ADGRA3: variants seen among roughly 807,000 people sequenced by gnomAD.
The protein encoded by ADGRA3 is G-protein coupled receptor 125.
In ADGRA3, 56 loss-of-function variants were observed where a neutral mutation model predicts 119.8. The ratio of observed to expected loss-of-function variants is 0.47; its 90% CI spans 0.38 to 0.58. ADGRA3 has a LOEUF of 0.58. ADGRA3 is among the 20% of genes least tolerant of loss of function. ADGRA3 has a pLI of 0.00. For missense variants in ADGRA3, 1,516 were observed against 1,649.0 expected (o/e 0.92, Z 1.40); for synonymous variants, 607 against 623.8 (o/e 0.97, Z 0.40).
chr4:22,445,368 CA>C (rs1716792409), intron 5 of ADGRA3, among the ~76,000 whole-genome samples: 1 of 152,110 alleles, frequency 6.6e-6, no homozygotes, highest in Admixed American at 6.6e-5. Context: ...ATTTTGTAGG[CA>C]AACAAAGACT....
chr4:22,410,787 C>T (rs1715158378), intron 14 of ADGRA3, among the ~76,000 whole-genome samples: 1 of 152,054 alleles, frequency 6.6e-6, no homozygotes, highest in South Asian at 2.1e-4. Flanking sequence ...CATGCAGTAA[C>T]TTTAATTTTG....
chr4:22,434,519 T>C (rs1716316505), intron 10 of ADGRA3, among the ~76,000 whole-genome samples: 1 of 152,134 alleles, frequency 6.6e-6, no homozygotes, highest in Admixed American at 6.5e-5. Context: ...AACCTAAGCG[T>C]GGGCTTCAGT....
intron 1 of ADGRA3, among the ~76,000 whole-genome samples, chr4:22,488,552 G>A (rs1310193931): frequency 1.3e-5 from 2 of 152,126 alleles, no homozygotes; most frequent in Non-Finnish European, 2.9e-5. Flanking sequence ...TTAACCCAAC[G>A]CAAGCGTGAA....
chr4:22,513,861 A>C lies in ADGRA3; in HGVS notation c.257+1667T>G, dbSNP rs530361119. Among the ~76,000 whole-genome samples the C allele has an allele frequency of 2.6e-3, 385 of 147,996 alleles. 8 individuals are homozygous for C. Among genetic ancestry groups the C allele is most frequent in the Non-Finnish European group, 4.3e-3 (289 of 67,038 alleles). On this transcript the variant is annotated intron_variant, in intron 1 of 18. Transcript: ENST00000334304. ...GCTTTCAGGCAAAAAAAAAAAAAAA[A>C]AAAAAAAAAAAAACTGGATTGAAAT... is the stretch of plus-strand genomic sequence containing the variant.
At chr4:22,500,681 A>G (rs2109168770) in intron 1 of ADGRA3, among the ~76,000 whole-genome samples, 1 of 152,344 alleles carries the variant, frequency 6.6e-6, no homozygotes, top group Middle Eastern at 3.4e-3. Flanking sequence ...GTGATGGTTA[A>G]CATTACTTGT....
At chr4:22,468,878 G>A (rs1717758018) in intron 2 of ADGRA3, among the ~76,000 whole-genome samples, 1 of 151,682 alleles carries the variant, frequency 6.6e-6, no homozygotes, top group African/African-American at 2.4e-5. Flanking sequence ...ATCTAAAAAA[G>A]GTATCTATCA....
intron 7 of ADGRA3, among the ~76,000 whole-genome samples, chr4:22,440,663 CTTATT>C (rs907418702): frequency 7.9e-5 from 12 of 152,070 alleles, no homozygotes; most frequent in African/African-American, 2.9e-4. Flanking sequence ...AGTAAATCTA[CTTATT>C]TTATAGTCAA....
At chr4:22,396,332 A>G (rs1048988309) in intron 16 of ADGRA3, among the ~76,000 whole-genome samples, 5 of 152,208 alleles carry the variant, frequency 3.3e-5, no homozygotes, top group Non-Finnish European at 5.9e-5. Flanking sequence ...AAACTACATT[A>G]CAACCCATTT....
rs1199774114 is a variant in ADGRA3, at chr4:22,449,459, C to T, written c.474-1948G>A. Among the ~76,000 whole-genome samples, 4 of 152,020 alleles carry T rather than the reference C, an allele frequency of 2.6e-5. No individual in the cohort carries two copies. In the South Asian group the frequency reaches 6.2e-4, roughly 24 times the overall value. The stretch of plus-strand genomic sequence containing the variant: ...ACAGGGTAATGGGTACACACACATT[C>T]CTTATATGTACAATTGTCTCCGATT... On this transcript the variant is annotated intron_variant, in intron 4 of 18. Transcript: ENST00000334304.
At chr4:22,505,935 C>G (rs748197052) in intron 1 of ADGRA3, among the ~76,000 whole-genome samples, 14 of 152,086 alleles carry the variant, frequency 9.2e-5, no homozygotes, top group African/African-American at 3.4e-4. Flanking sequence ...TGAATATTTG[C>G]TAAATGAATG....
intron 11 of ADGRA3, among the ~76,000 whole-genome samples, chr4:22,422,716 T>C (rs546247318): frequency 6.6e-6 from 1 of 152,278 alleles, no homozygotes; most frequent in East Asian, 1.9e-4. Flanking sequence ...ATTGTACCCT[T>C]GGGTTGTCAG....
intron 17 of ADGRA3, among the ~76,000 whole-genome samples, chr4:22,391,962 A>G (rs1474428723): frequency 6.6e-6 from 1 of 152,090 alleles, no homozygotes; most frequent in African/African-American, 2.4e-5. Context: ...GTCAGTGCTC[A>G]TGCCTTTCTC....
chr4:22,453,293 A>C (rs16872664), intron 4 of ADGRA3, among the ~76,000 whole-genome samples: 1 of 151,960 alleles, frequency 6.6e-6, no homozygotes, highest in Non-Finnish European at 1.5e-5. Flanking sequence ...TTGCAGGGCA[A>C]TTACAAAGGA....
chr4:22,467,377 C>T (rs188787178), intron 2 of ADGRA3, among the ~76,000 whole-genome samples: 1 of 152,258 alleles, frequency 6.6e-6, no homozygotes, highest in African/African-American at 2.4e-5. Flanking sequence ...CTCATTTCAA[C>T]AAGATAAGAT....
intron 16 of ADGRA3, chr4:22,394,741 G>A (rs989441209): frequency 6.6e-6 from 1 of 152,132 alleles, no homozygotes; most frequent in East Asian, 1.9e-4. Context: ...TTTTCTACAG[G>A]GGACAAAACA....
In ADGRA3 at chr4:22,420,987, C is replaced by T. The variant is rs771338422; in HGVS notation, c.1708G>A (p.Gly570Arg). 1.1e-5 allele frequency: 17 copies of T among 1,614,084 alleles called. No individual in the cohort carries two copies. The South Asian group carries it at 1.8e-4, about 17-fold the overall frequency. The part of the protein sequence containing the change: ...FQKVAASDRT[G>R]LSDYGRRDPE... ...TCCCGCCTCCCATAATCCGAAAGTC[C>T]TGTACGATCAGAGGCTGCCACTTTC... Residue 570 changes from glycine to arginine, a missense_variant, in exon 12 of 19, where the codon GGA becomes AGA. Around this residue, in one of 2 missense-constraint regions of ADGRA3, gnomAD observed 1,088 missense variants for 1,107.1 expected, o/e 0.98. Transcript: ENST00000334304.
chr4:22,438,854 G>C (rs982761197), intron 7 of ADGRA3, among the ~76,000 whole-genome samples: 4 of 152,058 alleles, frequency 2.6e-5, no homozygotes, highest in Non-Finnish European at 5.9e-5. Context: ...AAAGTTAGCC[G>C]GGTGTTGTGG....
In ADGRA3 at chr4:22,515,674, C is replaced by T. The variant is rs1285250081; in HGVS notation, c.111G>A (p.Ala37=). The stretch of plus-strand genomic sequence containing the variant: ...CGTGCTTGCAGCCGGCGGGCAGCGC[C>T]GCGGCGCCGCCGCCGCCGCCGCCTC... The part of the protein sequence containing the change: ...LLGGGGGGGA[A]ALPAGCKHDG... Residue 37 remains alanine, a synonymous_variant, in exon 1 of 19, where the codon GCG becomes GCA. Transcript: ENST00000334304. 4.3e-6 allele frequency: 5 copies of T among 1,154,336 alleles called. No individual in the cohort carries two copies. The highest frequency in any genetic ancestry group is 5.3e-6 in the Non-Finnish European group (5 of 939,026). The allele number at this position is 1,154,336 out of a possible 1,614,324, so 71.5% of individuals were successfully genotyped here.
chr4:22,490,189 A>T (rs1248840674), intron 1 of ADGRA3, among the ~76,000 whole-genome samples: 2 of 152,222 alleles, frequency 1.3e-5, no homozygotes, highest in Non-Finnish European at 2.9e-5. Context: ...CATTTCGTTA[A>T]GAAAAATTGA....
Sources: gnomAD v4.1 joint callset for allele counts (sites outside exome capture counted in the v4.1 genomes callset) on GRCh38, gnomAD v4.1.1 for gene constraint, gnomAD v4.1.1 regional missense constraint, MANE v1.5 for transcripts, NCBI Gene and HGNC (gene_info 2026-07-23, HGNC 2026-07-21) for gene names.